FAM234B: variants seen among roughly 807,000 people sequenced by gnomAD.
FAM234B encodes the protein protein FAM234B.
FAM234B carries 33 observed loss-of-function variants against 69.3 expected under a neutral mutation model. The observed-to-expected ratio is 0.48, with a 90% CI of 0.36 to 0.64. The LOEUF is 0.64. FAM234B is among the 30% of genes least tolerant of loss of function. FAM234B has a pLI of 0.00. For missense variants in FAM234B, 697 were observed against 769.7 expected (o/e 0.91, Z 1.12); for synonymous variants, 306 against 306.9 (o/e 1.00, Z 0.03).
At chr12:13,048,221 A>T (rs1040462349) in intron 1 of FAM234B, among the ~76,000 whole-genome samples, 7 of 152,246 alleles carry the variant, frequency 4.6e-5, no homozygotes, top group Non-Finnish European at 8.8e-5. Flanking sequence ...GACTTTTTAG[A>T]TATTGCTCCG....
intron 9 of FAM234B, among the ~76,000 whole-genome samples, chr12:13,070,172 GATATATAT>G (rs66463903): frequency 0.091 from 12,722 of 139,538 alleles, 750 homozygotes; most frequent in South Asian, 0.17. Flanking sequence ...ATTAAAAAAA[GATATATAT>G]ATATATATAT....
chr12:13,046,538 G>A lies in FAM234B; in HGVS notation c.37+2098G>A, dbSNP rs549864527. Among the ~76,000 whole-genome samples, 11 of 151,788 alleles carry A rather than the reference G, an allele frequency of 7.2e-5. 1 individual carries two copies. The South Asian group carries it at 2.1e-3, about 29-fold the overall frequency. On this transcript the variant is annotated intron_variant, in intron 1 of 12. Transcript: ENST00000197268. Reference sequence around the variant, plus strand: ...TGCAATTGTGTGATCTCGGCTCACCGCAACCTCCGCCTCCTGGGTTCAAGC... The same window carrying A: ...TGCAATTGTGTGATCTCGGCTCACCACAACCTCCGCCTCCTGGGTTCAAGC...
intron 1 of FAM234B, among the ~76,000 whole-genome samples, chr12:13,048,636 T>C (rs1864838842): frequency 6.6e-6 from 1 of 152,264 alleles, no homozygotes; most frequent in Non-Finnish European, 1.5e-5. Context: ...TGATTTTTTT[T>C]CCACGGGATC....
At chr12:13,045,455 T>C (rs896386457) in intron 1 of FAM234B, among the ~76,000 whole-genome samples, 1 of 152,110 alleles carries the variant, frequency 6.6e-6, no homozygotes, top group East Asian at 1.9e-4. Context: ...AGAGGGCTAT[T>C]TGGGTTTTGG....
intron 9 of FAM234B, among the ~76,000 whole-genome samples, chr12:13,069,648 G>T (rs1565510947): frequency 6.6e-6 from 1 of 152,124 alleles, no homozygotes; most frequent in Non-Finnish European, 1.5e-5. Context: ...GTTGGTCAGG[G>T]GTTGTATGTG....
intron 12 of FAM234B, among the ~76,000 whole-genome samples, 178 bp from the exon 13 acceptor site, chr12:13,080,447 A>G (rs1865212238): frequency 1.3e-5 from 2 of 152,226 alleles, no homozygotes; most frequent in Non-Finnish European, 2.9e-5. Flanking sequence ...TCAAAAGCTT[A>G]TCATGGAAAA....
chr12:13,061,389 G>C (rs568270154), intron 3 of FAM234B, among the ~76,000 whole-genome samples, 186 bp from the exon 4 acceptor site: 7 of 152,336 alleles, frequency 4.6e-5, no homozygotes, highest in African/African-American at 1.4e-4. Flanking sequence ...TGAGAAGCGT[G>C]TTCAGCAAAG....
Position 13,080,849 on chromosome 12 carries a change from AT to A in FAM234B, c.*220del. ...ACCTACCTTTTCAGTCCCTGCATTAATCCCCTCTAGGAACTCTGCGTGGATC... is the reference window on the plus strand; with the variant it reads ...ACCTACCTTTTCAGTCCCTGCATTAACCCCTCTAGGAACTCTGCGTGGATC... On this transcript the variant is annotated 3_prime_UTR_variant, in exon 13 of 13. Transcript: ENST00000197268. The A allele has an allele frequency of 3.9e-6, 2 of 513,520 alleles. No homozygotes were observed. Among genetic ancestry groups the A allele is most frequent in the African/African-American group, 3.9e-5 (2 of 51,096 alleles). The allele number at this position is 513,520 out of a possible 1,614,324, so 31.8% of individuals were successfully genotyped here. A position where few individuals can be genotyped will look rare whatever the true frequency, so the allele number is the denominator to read the frequency against.
chr12:13,052,243 T>C (rs1864884346), intron 1 of FAM234B, among the ~76,000 whole-genome samples: 1 of 152,182 alleles, frequency 6.6e-6, no homozygotes, highest in Non-Finnish European at 1.5e-5. Flanking sequence ...GGCCAGTGGA[T>C]TCCCTAATAC....
chr12:13,056,978 C>CTTT (rs72097692), intron 2 of FAM234B, among the ~76,000 whole-genome samples: 10 of 129,506 alleles, frequency 7.7e-5, no homozygotes, highest in East Asian at 2.2e-4. Context: ...CTGTGAACTG[C>CTTT]TTTTTTTTTT....
chr12:13,068,407 C>G lies in FAM234B; in HGVS notation c.1246C>G (p.Leu416Val), dbSNP rs756052159. ...CCTTGTGCTGCTTCGGGGGCAAAAT[C>G]TGACACCTTACTGGGCATTGAGACT... ...QSLVLLRGQN[L>V]TPYWALRLQG... Residue 416 changes from leucine (L) to valine (V), a missense_variant, in exon 8 of 13, where the codon CTG becomes GTG. Physicochemically the swap from Leu to Val is conservative, Grantham distance 32 (BLOSUM62 1). Coordinates refer to ENST00000197268, the MANE Select transcript of FAM234B (RefSeq NM_020853.2). 6.2e-7 allele frequency: 1 copy of G among 1,614,210 alleles called. No homozygotes were observed.
intron 5 of FAM234B, among the ~76,000 whole-genome samples, chr12:13,066,422 A>G (rs1184383277): frequency 6.6e-6 from 1 of 152,166 alleles, no homozygotes; most frequent in Non-Finnish European, 1.5e-5. Context: ...TGCTTTGAAG[A>G]TGCCCTTTGC....
At chr12:13,069,458 C>T (rs1412681308) in intron 9 of FAM234B, among the ~76,000 whole-genome samples, 1 of 152,120 alleles carries the variant, frequency 6.6e-6, no homozygotes, top group African/African-American at 2.4e-5. Flanking sequence ...ACCTCTAATG[C>T]GTGCCAACTT....
intron 10 of FAM234B, 122 bp from the exon 11 acceptor site, chr12:13,075,904 A>G: frequency 1.3e-6 from 1 of 766,646 alleles, no homozygotes; most frequent in Non-Finnish European, 2.4e-6. Flanking sequence ...AGTTAGGATC[A>G]GGCATTAGCA....
chr12:13,057,047 G>A (rs1230791818), intron 2 of FAM234B, among the ~76,000 whole-genome samples: 2 of 147,824 alleles, frequency 1.4e-5, no homozygotes, highest in Admixed American at 6.8e-5. Context: ...GCATGATCTC[G>A]GCTTACTGCA....
chr12:13,060,431 C>T (rs982775571), intron 3 of FAM234B, among the ~76,000 whole-genome samples: 2 of 152,174 alleles, frequency 1.3e-5, no homozygotes, highest in Non-Finnish European at 2.9e-5. Flanking sequence ...CTCGAGAAGT[C>T]ATAGTCTAGC....
rs1472835667 is a variant in FAM234B, at chr12:13,067,298, T to C, written c.1142+2T>C. On this transcript the variant is annotated splice_donor_variant, in intron 7 of 12. Transcript: ENST00000197268. LOFTEE classifies it high-confidence loss of function. The surrounding 1 kb of genome is among the most constrained non-coding windows in gnomAD (Gnocchi z 4.7). ...GTCTGAGCTCATTGATGTTTACAGG[T>C]AGGGCAGACGTCTGTCCTTGGTCAC... The C allele has an allele frequency of 6.2e-7, 1 of 1,613,824 alleles. No homozygotes were observed. Among genetic ancestry groups the C allele is most frequent in the African/African-American group, 1.3e-5 (1 of 74,918 alleles).
At chr12:13,080,077 C>T in intron 12 of FAM234B, 68 bp downstream of exon 12, 1 of 1,226,616 alleles carries the variant, frequency 8.2e-7, no homozygotes, top group Admixed American at 2.8e-5. Context: ...CCAGCTTTGT[C>T]TTTAGAAAGT....
intron 9 of FAM234B, 151 bp downstream of exon 9, chr12:13,068,862 A>C: frequency 1.8e-6 from 1 of 542,780 alleles, no homozygotes; most frequent in Non-Finnish European, 3.2e-6. Context: ...GATAAAATGA[A>C]AACTCACAAT....
Sources: gnomAD v4.1 joint callset for allele counts (sites outside exome capture counted in the v4.1 genomes callset) on GRCh38, gnomAD v4.1.1 for gene constraint, Gnocchi (gnomAD v3.1) non-coding constraint, MANE v1.5 for transcripts, NCBI Gene and HGNC (gene_info 2026-07-23, HGNC 2026-07-21) for gene names.